The following ELMO3 variants were observed in gnomAD, a reference collection of about 807,000 sequenced individuals.
ELMO3 encodes engulfment and cell motility protein 3.
Under a neutral mutation model 89.0 loss-of-function variants are expected in ELMO3, and 81 were observed. That is an observed-to-expected ratio of 0.91 (90% CI 0.76 to 1.09). The LOEUF is 1.09. Among genes scored for constraint, ELMO3 ranks in the 50% least tolerant of loss-of-function variants. ELMO3 has a pLI of 0.00. For synonymous variants in ELMO3, 406 were observed against 400.6 expected, an observed-to-expected ratio of 1.01 and a Z score of -0.16; for missense variants, 959 against 972.8, an observed-to-expected ratio of 0.99 and a Z score of 0.19.
chr16:67,202,383 C>G lies in ELMO3; in HGVS notation c.1262-14C>G. 6.2e-7 allele frequency: 1 copy of G among 1,613,558 alleles called. No homozygotes were observed. Among genetic ancestry groups the G allele is most frequent in the Non-Finnish European group, 8.5e-7 (1 of 1,180,006 alleles). ...GCACTTTCTCCCTGAGCCCCTCCTG[C>G]CCCCCCACTCCAGGCTCTGAGACAG... is the stretch of plus-strand genomic sequence containing the variant. On this transcript the variant is annotated splice_polypyrimidine_tract_variant and intron_variant, in intron 13 of 19. Coordinates refer to ENST00000393997, the MANE Select transcript of ELMO3 (RefSeq NM_024712.5).
At position 67,200,323 on chromosome 16, in the gene ELMO3, G is replaced by A; in HGVS notation, c.375G>A (p.Gly125=). The A allele has an allele frequency of 6.2e-7, 1 of 1,613,938 alleles. No homozygotes were observed. Among genetic ancestry groups the A allele is most frequent in the Non-Finnish European group, 8.5e-7 (1 of 1,180,036 alleles). ...IFAREVISRN[G]LQILGTIIED... ...CCAGGGAGGTCATCAGCCGTAATGG[G>A]CTCCAGATACTAGGCACCATCATTG... is the stretch of plus-strand genomic sequence containing the variant. Residue 125 remains glycine, a synonymous_variant, in exon 5 of 20, where the codon GGG becomes GGA. Transcript: ENST00000393997.
rs1364864744 is a variant in ELMO3, at chr16:67,202,729, G to T, written c.1501G>T (p.Val501Leu). The T allele has an allele frequency of 1.9e-6, 3 of 1,613,668 alleles. No homozygotes were observed. In the East Asian group the frequency reaches 6.7e-5, roughly 36 times the overall value. Residue 501 changes from valine to leucine, a missense_variant, in exon 15 of 20, where the codon GTG becomes TTG. Physicochemically the swap from Val to Leu is conservative, Grantham distance 32. Transcript: ENST00000393997. ...GGTGAATGCGCTCACTTATGGGGAG[G>T]TGCTGCGGCTGCGGCAGACTGAACG... is the stretch of plus-strand genomic sequence containing the variant. ...TKVNALTYGE[V>L]LRLRQTERLH...
Position 67,202,397 on chromosome 16 carries a change from G to T in ELMO3, c.1262G>T (p.Cys421Phe), listed in dbSNP as rs1236318866. Residue 421 changes from cysteine (C) to phenylalanine (F), a missense_variant and splice_region_variant, in exon 14 of 20, where the codon TGC becomes TTC. Transcript: ENST00000393997. ...AGCCCCTCCTGCCCCCCCACTCCAGGCTCTGAGACAGCCCAGGACTTCTCA... is the reference window on the plus strand; with the variant it reads ...AGCCCCTCCTGCCCCCCCACTCCAGTCTCTGAGACAGCCCAGGACTTCTCA... Reference protein sequence around the residue: ...LCELLRVGEPCSETAQDFSPM... With the variant: ...LCELLRVGEPFSETAQDFSPM... 6.2e-7 allele frequency: 1 copy of T among 1,613,626 alleles called. No individual in the cohort carries two copies. Among genetic ancestry groups the T allele is most frequent in the African/African-American group, 1.3e-5 (1 of 74,904 alleles).
rs369471428 is a variant in ELMO3, at chr16:67,202,718, C to T, written c.1490C>T (p.Thr497Ile). 4.3e-6 allele frequency: 7 copies of T among 1,613,752 alleles called. No homozygotes were observed. Among genetic ancestry groups the T allele is most frequent in the Non-Finnish European group, 5.9e-6 (7 of 1,180,016 alleles). Residue 497 changes from threonine (T) to isoleucine (I), a missense_variant, in exon 15 of 20, where the codon ACT becomes ATT. Thr to Ile is a moderately conservative substitution (Grantham distance 89). Transcript: ENST00000393997. ...TTCCGAACCAAGGTGAATGCGCTCA[C>T]TTATGGGGAGGTGCTGCGGCTGCGG... ...ELFRTKVNALTYGEVLRLRQT... is the reference protein window; with the variant it reads ...ELFRTKVNALIYGEVLRLRQT...
rs199633228 is a variant in ELMO3 at position 67,203,380 on chromosome 16, C to A, written c.1834C>A (p.Arg612=). 10 of 1,610,258 alleles carry A rather than the reference C, an allele frequency of 6.2e-6. No individual in the cohort carries two copies. Among genetic ancestry groups the A allele is most frequent in the African/African-American group, 1.3e-5 (1 of 74,946 alleles). The change falls in exon 18 of 20, where the codon CGG becomes AGG. Residue 612 remains arginine, a synonymous_variant. Transcript: ENST00000393997. The surrounding 1 kb of genome is among the most constrained non-coding windows in gnomAD (Gnocchi z 4.6). ...LLTGKDCPHV[R]EKGSGKQNKD... ...GACAGGCAAGGACTGCCCCCATGTC[C>A]GGGAGAAGGGCTCCGGGAAGCAGAA...
Position 67,201,580 on chromosome 16 carries a change from C to T in ELMO3, c.856C>T (p.Gln286Ter). 6.2e-7 allele frequency: 1 copy of T among 1,613,988 alleles called. No homozygotes were observed. The highest frequency in any genetic ancestry group is 1.7e-4 in the Middle Eastern group (1 of 6,060). ...GATGGCTCATCACCTGTACGTACTG[C>T]AGGCTCTCATGCTGGGGCTGCTGGA... ...DEMAHHLYVL[Q>*]ALMLGLLEPR... Residue 286 changes from glutamine to a stop codon, truncating the protein, a stop_gained, in exon 10 of 20, where the codon CAG becomes TAG. Coordinates refer to ENST00000393997, the MANE Select transcript of ELMO3 (RefSeq NM_024712.5). LOFTEE classifies it high-confidence loss of function.
At chr16:67,199,476 G>GCGC in intron 1 of ELMO3, 72 bp downstream of exon 1, 1 of 1,503,600 alleles carries the variant, frequency 6.7e-7, no homozygotes, top group Non-Finnish European at 9.0e-7. Flanking sequence ...CCTCGGGGCA[G>GCGC]CCCGCCCCAC....
Position 67,201,429 on chromosome 16 carries a change from C to T in ELMO3, c.789C>T (p.Ile263=). The change falls in exon 9 of 20, where the codon ATC becomes ATT. Residue 263 remains isoleucine, a synonymous_variant. Coordinates refer to ENST00000393997, the MANE Select transcript of ELMO3 (RefSeq NM_024712.5). ...GGCAGAGGAACCTTCGCCAGTTCAT[C>T]TATAAGGTAGGAAGTGGTGGGCCAG... ...YLWQRNLRQF[I]YKNIIHSAAP... The T allele has an allele frequency of 6.2e-7, 1 of 1,614,054 alleles. No individual in the cohort carries two copies. The highest frequency in any genetic ancestry group is 8.5e-7 in the Non-Finnish European group (1 of 1,180,014).
In ELMO3 at chr16:67,202,876, G is replaced by A. The variant is rs1354013344; in HGVS notation, c.1563-16G>A. On this transcript the variant is annotated splice_polypyrimidine_tract_variant and intron_variant, in intron 15 of 19. Coordinates refer to ENST00000393997, the MANE Select transcript of ELMO3 (RefSeq NM_024712.5). ...ACTCCCCAGGTCAGATGTGCTCAGTGACACCCCTCTATCAGGGAGCTGCGG... is the reference window on the plus strand; with the variant it reads ...ACTCCCCAGGTCAGATGTGCTCAGTAACACCCCTCTATCAGGGAGCTGCGG... The A allele has an allele frequency of 6.2e-7, 1 of 1,613,110 alleles. No homozygotes were observed. Among genetic ancestry groups the A allele is most frequent in the Non-Finnish European group, 8.5e-7 (1 of 1,179,894 alleles).
chr16:67,199,657 G>A (rs757856638), intron 2 of ELMO3, 27 bp from the exon 3 acceptor site: 20 of 1,608,184 alleles, frequency 1.2e-5, no homozygotes, highest in Non-Finnish European at 1.6e-5. Context: ...GCCCCCTGCC[G>A]GCCTCGCTGA....
At position 67,199,954 on chromosome 16, in the gene ELMO3, C is replaced by T. The variant is rs779819882; in HGVS notation, c.196C>T (p.Arg66Cys). Residue 66 changes from arginine to cysteine, a missense_variant, in exon 4 of 20, where the codon CGC becomes TGC. Arg to Cys is a radical substitution (Grantham distance 180). Transcript: ENST00000393997. ...GHRRYITENNRAEIKNGSILC... is the reference protein window; with the variant it reads ...GHRRYITENNCAEIKNGSILC... Reference sequence around the variant, plus strand: ...CCTTTTCTGCTGTCTTCTCCAGAACCGCGCGGAGATCAAGAATGGCAGCAT... The same window carrying T: ...CCTTTTCTGCTGTCTTCTCCAGAACTGCGCGGAGATCAAGAATGGCAGCAT... 2.2e-5 allele frequency: 36 copies of T among 1,613,836 alleles called. No homozygotes were observed. The highest frequency in any genetic ancestry group is 1.6e-5 in the Non-Finnish European group (19 of 1,180,034).
At position 67,203,375 on chromosome 16, in the gene ELMO3, A is replaced by T; in HGVS notation, c.1829A>T (p.His610Leu). ...CTCCTGACAGGCAAGGACTGCCCCC[A>T]TGTCCGGGAGAAGGGCTCCGGGAAG... ...RALLTGKDCP[H>L]VREKGSGKQN... The change falls in exon 18 of 20, where the codon CAT becomes CTT. Residue 610 changes from histidine (H) to leucine (L), a missense_variant. Coordinates refer to ENST00000393997, the MANE Select transcript of ELMO3 (RefSeq NM_024712.5). This position sits in a 1 kb window ranked among gnomAD's most constrained non-coding sequence, Gnocchi z 4.6. 6.2e-7 allele frequency: 1 copy of T among 1,610,134 alleles called. No homozygotes were observed. Among genetic ancestry groups the T allele is most frequent in the Non-Finnish European group, 8.5e-7 (1 of 1,178,930 alleles).
chr16:67,203,677 A>G lies in ELMO3; in HGVS notation c.1963A>G (p.Thr655Ala). 6.2e-7 allele frequency: 1 copy of G among 1,613,720 alleles called. No individual in the cohort carries two copies. Among genetic ancestry groups the G allele is most frequent in the Non-Finnish European group, 8.5e-7 (1 of 1,179,916 alleles). The change falls in exon 20 of 20, where the codon ACA becomes GCA. Residue 655 changes from threonine (T) to alanine (A), a missense_variant. Coordinates refer to ENST00000393997, the MANE Select transcript of ELMO3 (RefSeq NM_024712.5). The surrounding 1 kb of genome is among the most constrained non-coding windows in gnomAD (Gnocchi z 4.6). Reference protein sequence around the residue: ...APSKREFYLWTDGLSALLGSP... With the variant: ...APSKREFYLWADGLSALLGSP... ...GTGCCACCCCCAGTTCTACCTGTGG[A>G]CAGATGGGCTCAGTGCCTTGCTGGG...
In ELMO3 at chr16:67,199,208, CG is replaced by C; in HGVS notation, c.-118del. On this transcript the variant is annotated 5_prime_UTR_variant, in exon 1 of 20. Coordinates refer to ENST00000393997, the MANE Select transcript of ELMO3 (RefSeq NM_024712.5). ...AGTCTGGGCCGCGAGTGCGGGACAC[CG>C]AGGTCAGGTCTCGGAAAGGGAGGAC... is the stretch of plus-strand genomic sequence containing the variant. 1 of 1,611,202 alleles carries C rather than the reference CG, an allele frequency of 6.2e-7. No homozygotes were observed. Among genetic ancestry groups the C allele is most frequent in the Non-Finnish European group, 8.5e-7 (1 of 1,179,544 alleles).
At chr16:67,200,149 A>G (rs1597279424) in intron 4 of ELMO3, 43 bp from the exon 5 acceptor site, 1 of 1,595,140 alleles carries the variant, frequency 6.3e-7, no homozygotes, top group East Asian at 2.3e-5. Context: ...CACCCTTACC[A>G]TGCCCAGCCT....
rs201579675 is a variant in ELMO3, at chr16:67,200,283, C to T, written c.335C>T (p.Ser112Leu). 23 of 1,613,824 alleles carry T rather than the reference C, an allele frequency of 1.4e-5. No individual in the cohort carries two copies. The highest frequency in any genetic ancestry group is 1.1e-4 in the East Asian group (5 of 44,880). The change falls in exon 5 of 20, where the codon TCG becomes TTG. Residue 112 changes from serine (S) to leucine (L), a missense_variant. Coordinates refer to ENST00000393997, the MANE Select transcript of ELMO3 (RefSeq NM_024712.5). ...EALRRLVPLA[S>L]DMIFAREVIS... is the part of the protein sequence containing the mutation. ...CTGAGGCGCCTTGTTCCGCTGGCCT[C>T]GGACATGATCTTTGCCAGGGAGGTC... is the stretch of plus-strand genomic sequence containing the variant.
Position 67,199,299 on chromosome 16 carries a change from G to T in ELMO3, c.-28G>T, listed in dbSNP as rs902031604. The stretch of plus-strand genomic sequence containing the variant: ...GCCGCAGGTGCACGGTCTCCGGAAA[G>T]TGCAGGCGCCCACGTCCCAGCTGGA... On this transcript the variant is annotated 5_prime_UTR_variant, in exon 1 of 20. Transcript: ENST00000393997. The T allele has an allele frequency of 2.5e-6, 4 of 1,612,478 alleles. No individual in the cohort carries two copies. The highest frequency in any genetic ancestry group is 3.4e-6 in the Non-Finnish European group (4 of 1,179,882).
chr16:67,201,913 G>C, intron 11 of ELMO3, 40 bp downstream of exon 11: 1 of 1,604,440 alleles, frequency 6.2e-7, no homozygotes, highest in Non-Finnish European at 8.5e-7. Context: ...CCCTGCCTCA[G>C]CCCAGGGCTG....
At position 67,201,366 on chromosome 16, in the gene ELMO3, T is replaced by G. The variant is rs1163279255; in HGVS notation, c.745-19T>G. 3 of 1,613,750 alleles carry G rather than the reference T, an allele frequency of 1.9e-6. No homozygotes were observed. Among genetic ancestry groups the G allele is most frequent in the Admixed American group, 3.3e-5 (2 of 59,998 alleles). On this transcript the variant is annotated intron_variant, in intron 8 of 19. Transcript: ENST00000393997. Reference sequence around the variant, plus strand: ...GCCACCGCGCCCAGCCTAAGCCCCCTTTCTTTCTACCCCCTCAGCACATGC... The same window carrying G: ...GCCACCGCGCCCAGCCTAAGCCCCCGTTCTTTCTACCCCCTCAGCACATGC...
Sources: gnomAD v4.1 joint callset for allele counts on GRCh38, gnomAD v4.1.1 for gene constraint, Gnocchi (gnomAD v3.1) non-coding constraint, MANE v1.5 for transcripts, NCBI Gene and HGNC (gene_info 2026-07-23, HGNC 2026-07-21) for gene names.